The following ADAM23 variants were observed in gnomAD, a reference collection of about 807,000 sequenced individuals.
ADAM23 encodes ADAM metallopeptidase domain 23, also known as disintegrin and metalloproteinase domain-containing protein 23.
ADAM23 carries 33 observed loss-of-function variants against 120.1 expected under a neutral mutation model. That is an observed-to-expected ratio of 0.27 (90% confidence interval 0.21 to 0.37). The LOEUF is 0.37. ADAM23 is among the 10% of genes least tolerant of loss of function. The pLI is 1.00. For synonymous variants in ADAM23, 367 were observed against 375.2 expected (o/e 0.98, Z 0.25); for missense variants, 862 against 1,058.2 (o/e 0.81, Z 2.57).
chr2:206,589,394 GC>G lies in ADAM23; in HGVS notation c.1853-13del. The G allele has an allele frequency of 6.2e-7, 1 of 1,608,112 alleles. No individual in the cohort carries two copies. The highest frequency in any genetic ancestry group is 8.5e-7 in the Non-Finnish European group (1 of 1,176,716). On this transcript the variant is annotated splice_polypyrimidine_tract_variant and intron_variant, in intron 20 of 25. Coordinates refer to ENST00000264377, the MANE Select transcript of ADAM23 (RefSeq NM_003812.4). Reference sequence around the variant, plus strand: ...AAATGAAAATTAATTTTCTTCTCTTGCCTATCTCCAAAAGAGGCTGCAGGGT... The same window carrying G: ...AAATGAAAATTAATTTTCTTCTCTTGCTATCTCCAAAAGAGGCTGCAGGGT...
intron 23 of ADAM23, 81 bp from the exon 24 acceptor site, chr2:206,595,969 GC>G (rs1698516674): frequency 9.3e-6 from 10 of 1,074,196 alleles, no homozygotes; most frequent in African/African-American, 1.6e-5. Context: ...CTTCCTCCCT[GC>G]CCCCGTGTCT....
At chr2:206,501,864 TAAATA>T (rs1696394022) in intron 3 of ADAM23, among the ~76,000 whole-genome samples, 1 of 152,170 alleles carries the variant, frequency 6.6e-6, no homozygotes, top group Non-Finnish European at 1.5e-5. Flanking sequence ...ACCAATGTGT[TAAATA>T]TAATTTAGTT....
chr2:206,481,946 C>A (rs900149277), intron 3 of ADAM23, among the ~76,000 whole-genome samples: 8 of 152,176 alleles, frequency 5.3e-5, no homozygotes, highest in Non-Finnish European at 1.0e-4. Flanking sequence ...TCAAATAGAT[C>A]TAGCAGTGAG....
At chr2:206,549,870 C>A (rs1697477054) in intron 8 of ADAM23, among the ~76,000 whole-genome samples, 1 of 151,844 alleles carries the variant, frequency 6.6e-6, no homozygotes, top group Admixed American at 6.6e-5. Flanking sequence ...TAAGTAAGTA[C>A]CTTAATGATA....
rs554979704 is a variant in ADAM23 at position 206,621,119 on chromosome 2, G to A, written c.*3492G>A. On this transcript the variant is annotated 3_prime_UTR_variant, in exon 26 of 26. Transcript: ENST00000264377. ...AAGTCAAATGTGTATTAAAACTTTCGTTAACGTAGAATGTTGTAGCTTTAT... is the reference window on the plus strand; with the variant it reads ...AAGTCAAATGTGTATTAAAACTTTCATTAACGTAGAATGTTGTAGCTTTAT... 273 of 152,238 alleles carry A rather than the reference G, an allele frequency of 1.8e-3. No individual in the cohort carries two copies. Among genetic ancestry groups the A allele is most frequent in the African/African-American group, 6.3e-3 (262 of 41,538 alleles). The allele number at this position is 152,238 out of a possible 1,614,324, so 9.4% of individuals were successfully genotyped here.
intron 2 of ADAM23, among the ~76,000 whole-genome samples, chr2:206,457,110 G>C (rs1048464406): frequency 6.6e-6 from 1 of 152,128 alleles, no homozygotes; most frequent in Non-Finnish European, 1.5e-5. Flanking sequence ...ATGTTTTCAG[G>C]TAAGTAGAAT....
At chr2:206,539,512 T>C (rs944263765) in intron 4 of ADAM23, among the ~76,000 whole-genome samples, 5 of 152,174 alleles carry the variant, frequency 3.3e-5, no homozygotes, top group Admixed American at 2.6e-4. Context: ...GTCTTTTTGT[T>C]ATTTTTAGAA....
rs536092693 is a variant in ADAM23 at position 206,527,897 on chromosome 2, C to A, written c.510-2988C>A. ...TATTTCTCTCAGTATTTGCCATAGACCTCCTGAAAAGTAGCTGTTTTTCTT... is the reference window on the plus strand; with the variant it reads ...TATTTCTCTCAGTATTTGCCATAGAACTCCTGAAAAGTAGCTGTTTTTCTT... On this transcript the variant is annotated intron_variant, in intron 3 of 25. Coordinates refer to ENST00000264377, the MANE Select transcript of ADAM23 (RefSeq NM_003812.4). Among the ~76,000 whole-genome samples, 13 of 152,184 alleles carry A rather than the reference C, an allele frequency of 8.5e-5. No individual in the cohort carries two copies. In the South Asian group the frequency reaches 2.5e-3, roughly 29 times the overall value.
intron 2 of ADAM23, among the ~76,000 whole-genome samples, 166 bp downstream of exon 2, chr2:206,445,690 T>C (rs563995157): frequency 3.9e-4 from 59 of 152,354 alleles, no homozygotes; most frequent in African/African-American, 1.4e-3. Context: ...TGGGATCTAC[T>C]GGGATAAGAC....
chr2:206,451,375 G>A lies in ADAM23; in HGVS notation c.432+5851G>A, dbSNP rs545883449. ...CCACTTCAGCCTCCCATGTAGCTAG[G>A]ACTACAGGTGTGTGCCACCACACCC... is the stretch of plus-strand genomic sequence containing the variant. On this transcript the variant is annotated intron_variant, in intron 2 of 25. Coordinates refer to ENST00000264377, the MANE Select transcript of ADAM23 (RefSeq NM_003812.4). 1.6e-4 allele frequency among the ~76,000 whole-genome samples: 24 copies of A among 152,314 alleles called. No individual in the cohort carries two copies. In the South Asian group the frequency reaches 5.0e-3, roughly 32 times the overall value.
chr2:206,514,407 G>A (rs564410077), intron 3 of ADAM23, among the ~76,000 whole-genome samples: 21 of 152,288 alleles, frequency 1.4e-4, no homozygotes, highest in South Asian at 6.2e-4. Context: ...CACTGCAGAC[G>A]TGGTAGAAAG....
At chr2:206,510,878 CTATT>C (rs1696609376) in intron 3 of ADAM23, among the ~76,000 whole-genome samples, 4 of 152,130 alleles carry the variant, frequency 2.6e-5, no homozygotes, top group Admixed American at 2.6e-4. Context: ...TGTACTAACA[CTATT>C]TATGTTCATT....
Position 206,530,921 on chromosome 2 carries a change from C to T in ADAM23, c.546C>T (p.Tyr182=), listed in dbSNP as rs765281586. Residue 182 remains tyrosine, a synonymous_variant, in exon 4 of 26, where the codon TAC becomes TAT. Coordinates refer to ENST00000264377, the MANE Select transcript of ADAM23 (RefSeq NM_003812.4). ...LLSSDYVEIH[Y]ENGKPQYSKG... ...CTTCTGATTATGTGGAGATTCACTACGAAAATGGGAAACCACAGTACTCTA... is the reference window on the plus strand; with the variant it reads ...CTTCTGATTATGTGGAGATTCACTATGAAAATGGGAAACCACAGTACTCTA... 13 of 1,613,486 alleles carry T rather than the reference C, an allele frequency of 8.1e-6. No individual in the cohort carries two copies. The highest frequency in any genetic ancestry group is 6.7e-5 in the African/African-American group (5 of 74,846).
intron 3 of ADAM23, among the ~76,000 whole-genome samples, chr2:206,528,171 TGTA>T (rs1263471082): frequency 1.3e-5 from 2 of 152,158 alleles, no homozygotes; most frequent in Non-Finnish European, 2.9e-5. Flanking sequence ...ACAGTTGGAA[TGTA>T]GTTAGGGAGA....
rs571573702 is a variant in ADAM23 at position 206,496,333 on chromosome 2, C to T, written c.509+15025C>T. On this transcript the variant is annotated intron_variant, in intron 3 of 25. Transcript: ENST00000264377. The stretch of plus-strand genomic sequence containing the variant: ...ACCACAGTGCAATCAAACTAGAACT[C>T]AGGATTAAGAAACTCACTCAAAACC... Among the ~76,000 whole-genome samples the T allele has an allele frequency of 2.6e-5, 4 of 152,218 alleles. No homozygotes were observed. The South Asian group carries it at 8.3e-4, about 32-fold the overall frequency.
Position 206,561,813 on chromosome 2 carries a change from A to C in ADAM23, c.1255-390A>C, listed in dbSNP as rs372471280. Among the ~76,000 whole-genome samples the C allele has an allele frequency of 6.9e-4, 105 of 152,332 alleles. 1 individual carries two copies. The highest frequency in any genetic ancestry group is 2.3e-3 in the African/African-American group (96 of 41,580). On this transcript the variant is annotated intron_variant, in intron 12 of 25. Transcript: ENST00000264377. ...ATATATTATACCAGGTTATCTCAATAGCCTACAATTAGCCTGGAATAATAT... is the reference window on the plus strand; with the variant it reads ...ATATATTATACCAGGTTATCTCAATCGCCTACAATTAGCCTGGAATAATAT...
At chr2:206,579,196 G>C (rs939930733) in intron 18 of ADAM23, among the ~76,000 whole-genome samples, 4 of 152,060 alleles carry the variant, frequency 2.6e-5, no homozygotes, top group Non-Finnish European at 5.9e-5. Flanking sequence ...TCTTTACTCT[G>C]CTGACTTTTC....
chr2:206,549,162 AT>A lies in ADAM23; in HGVS notation c.867+816del, dbSNP rs1034071566. 1.5e-4 allele frequency among the ~76,000 whole-genome samples: 22 copies of A among 151,628 alleles called. No homozygotes were observed. The East Asian group carries it at 2.1e-3, about 15-fold the overall frequency. On this transcript the variant is annotated intron_variant, in intron 8 of 25. Coordinates refer to ENST00000264377, the MANE Select transcript of ADAM23 (RefSeq NM_003812.4). ...TTTTAGATAATGTTTTGCTGAGTGT[AT>A]TTTTTTTGTGAAAAAAATAGACCAC... is the stretch of plus-strand genomic sequence containing the variant.
intron 8 of ADAM23, among the ~76,000 whole-genome samples, chr2:206,548,848 A>C (rs1211958945): frequency 6.6e-6 from 1 of 152,240 alleles, no homozygotes; most frequent in Non-Finnish European, 1.5e-5. Context: ...TTTTCAGAAC[A>C]CAATGAATTT....
Sources: allele counts gnomAD v4.1 joint callset (sites outside exome capture counted in the v4.1 genomes callset), GRCh38; gene constraint gnomAD v4.1.1; transcripts MANE v1.5; gene names NCBI Gene and HGNC (gene_info 2026-07-23, HGNC 2026-07-21).